GULP1: variants seen among roughly 807,000 people sequenced by gnomAD.
GULP1 encodes GULP PTB domain containing engulfment adaptor 1.
Under a neutral mutation model 40.9 loss-of-function variants are expected in GULP1, and 19 were observed. The ratio of observed to expected loss-of-function variants is 0.46; its 90% CI spans 0.32 to 0.68. The LOEUF (loss-of-function observed/expected upper bound fraction) is 0.68, where lower values mean the gene tolerates loss of function less well. Ranked by LOEUF, GULP1 falls within the 30% of genes least tolerant of loss-of-function variation. The pLI is 0.03. For synonymous variants in GULP1, 119 were observed against 117.6 expected, an observed-to-expected ratio of 1.01 and a Z score of -0.08; for missense variants, 312 against 362.2, an observed-to-expected ratio of 0.86 and a Z score of 1.12.
chr2:188,302,936 T>C (rs974827776), intron 1 of GULP1, among the ~76,000 whole-genome samples: 9 of 152,230 alleles, frequency 5.9e-5, no homozygotes, highest in Admixed American at 5.9e-4. Context: ...TTCCTACTTT[T>C]TCTTGTAGTA....
rs1015164607 is a variant in GULP1 at position 188,328,858 on chromosome 2, T to A, written c.-172+36692T>A. Among the ~76,000 whole-genome samples, 5 of 152,254 alleles carry A rather than the reference T, an allele frequency of 3.3e-5. 1 individual carries two copies. The highest frequency in any genetic ancestry group is 3.3e-4 in the Admixed American group (5 of 15,276). Reference sequence around the variant, plus strand: ...GAATATGAGTATACACGATGAATACTTAAACATTTAATACTATCTTGCCTT... The same window carrying A: ...GAATATGAGTATACACGATGAATACATAAACATTTAATACTATCTTGCCTT... On this transcript the variant is annotated intron_variant, in intron 1 of 11. Transcript: ENST00000409830.
At chr2:188,532,101 A>T (rs905136774) in intron 6 of GULP1, among the ~76,000 whole-genome samples, 1 of 152,148 alleles carries the variant, frequency 6.6e-6, no homozygotes, top group East Asian at 1.9e-4. Flanking sequence ...CTGATAATAT[A>T]CTTTATGTAT....
intron 1 of GULP1, among the ~76,000 whole-genome samples, chr2:188,340,636 G>C (rs181520719): frequency 1.3e-5 from 2 of 152,282 alleles, no homozygotes; most frequent in African/African-American, 4.8e-5. Context: ...GTCTTTTTGT[G>C]TGAGGTGATT....
In GULP1 at chr2:188,363,986, T is replaced by C. The variant is rs1004554429; in HGVS notation, c.-171-19777T>C. On this transcript the variant is annotated intron_variant, in intron 1 of 11. Transcript: ENST00000409830. ...TTATCAGATCTAACATTGCAGCTTT[T>C]TAAAAGGTAAATTAAAATCTTCAGT... Among the ~76,000 whole-genome samples the C allele has an allele frequency of 1.4e-4, 21 of 152,206 alleles. 1 individual carries two copies. The highest frequency in any genetic ancestry group is 5.1e-4 in the African/African-American group (21 of 41,450).
chr2:188,510,131 A>G (rs6414119), intron 4 of GULP1, among the ~76,000 whole-genome samples: 135,038 of 152,020 alleles, frequency 0.89, 61,260 homozygotes, highest in South Asian at 0.99. Flanking sequence ...AAGAGAGCTC[A>G]GAGGGCACTT....
At chr2:188,524,531 A>G (rs1185656071) in intron 5 of GULP1, among the ~76,000 whole-genome samples, 3 of 151,578 alleles carry the variant, frequency 2.0e-5, no homozygotes, top group African/African-American at 7.3e-5. Context: ...AGGAAAGTAT[A>G]TCTAAGGGTA....
intron 2 of GULP1, among the ~76,000 whole-genome samples, chr2:188,470,704 A>G (rs2060517999): frequency 6.6e-6 from 1 of 152,070 alleles, no homozygotes; most frequent in Non-Finnish European, 1.5e-5. Context: ...TTTAATTTTC[A>G]TATATTTGTA....
intron 1 of GULP1, among the ~76,000 whole-genome samples, chr2:188,315,214 C>G (rs957610814): frequency 6.6e-6 from 1 of 152,124 alleles, no homozygotes; most frequent in African/African-American, 2.4e-5. Flanking sequence ...TCACTTCAAA[C>G]TGTAAAAGTT....
chr2:188,520,707 T>C (rs1259562840), intron 4 of GULP1, among the ~76,000 whole-genome samples: 1 of 152,088 alleles, frequency 6.6e-6, no homozygotes, highest in Non-Finnish European at 1.5e-5. Context: ...ACTATCCTCA[T>C]GGCCTGTTAA....
intron 2 of GULP1, among the ~76,000 whole-genome samples, chr2:188,394,339 T>C (rs1228304855): frequency 6.6e-6 from 1 of 152,176 alleles, no homozygotes; most frequent in Non-Finnish European, 1.5e-5. Flanking sequence ...CTCTGCATTT[T>C]GTACTTCCCT....
chr2:188,459,974 A>T (rs909673941), intron 2 of GULP1, among the ~76,000 whole-genome samples: 26 of 152,028 alleles, frequency 1.7e-4, no homozygotes, highest in African/African-American at 6.0e-4. Context: ...TTTATTTCTG[A>T]ATTCTCTATT....
intron 1 of GULP1, among the ~76,000 whole-genome samples, chr2:188,345,431 C>G (rs1218952795): frequency 2.6e-5 from 4 of 152,124 alleles, no homozygotes; most frequent in Non-Finnish European, 5.9e-5. Flanking sequence ...GGACAAGAAA[C>G]AGGATAGAAT....
At chr2:188,554,626 T>C (rs1384949786) in intron 7 of GULP1, among the ~76,000 whole-genome samples, 2 of 152,054 alleles carry the variant, frequency 1.3e-5, no homozygotes, top group African/African-American at 4.8e-5. Context: ...CTGCAGTTTT[T>C]GGATAGAATA....
intron 7 of GULP1, among the ~76,000 whole-genome samples, chr2:188,555,678 C>T (rs760648035): frequency 1.1e-4 from 17 of 152,062 alleles, no homozygotes; most frequent in African/African-American, 3.1e-4. Flanking sequence ...GTATAATGTG[C>T]GATGGTGACT....
intron 1 of GULP1, among the ~76,000 whole-genome samples, chr2:188,383,116 A>G (rs1360414954): frequency 6.6e-6 from 1 of 152,188 alleles, no homozygotes; most frequent in African/African-American, 2.4e-5. Flanking sequence ...GAATTCTGGT[A>G]CTATTTGAAC....
At chr2:188,499,870 G>A (rs184326967) in intron 4 of GULP1, among the ~76,000 whole-genome samples, 8 of 151,714 alleles carry the variant, frequency 5.3e-5, no homozygotes, top group Admixed American at 4.6e-4. Flanking sequence ...CTTCTGCATT[G>A]AAGTATATAT....
intron 10 of GULP1, among the ~76,000 whole-genome samples, chr2:188,586,809 G>C (rs980296259): frequency 6.6e-6 from 1 of 152,012 alleles, no homozygotes; most frequent in African/African-American, 2.4e-5. Flanking sequence ...TTCACAATGA[G>C]AATCACAGAG....
intron 7 of GULP1, among the ~76,000 whole-genome samples, chr2:188,543,628 T>G (rs1193333176): frequency 2.0e-5 from 3 of 152,190 alleles, no homozygotes; most frequent in Admixed American, 2.0e-4. Flanking sequence ...AAATAAGTTA[T>G]GGCCTATCTC....
At chr2:188,385,149 A>T (rs2049521732) in intron 2 of GULP1, among the ~76,000 whole-genome samples, 2 of 152,172 alleles carry the variant, frequency 1.3e-5, no homozygotes, top group Admixed American at 1.3e-4. Flanking sequence ...GTTCTCCATG[A>T]GGACCCTACT....
Sources: gnomAD v4.1 joint callset for allele counts (sites outside exome capture counted in the v4.1 genomes callset) on GRCh38, gnomAD v4.1.1 for gene constraint, MANE v1.5 for transcripts, NCBI Gene and HGNC (gene_info 2026-07-23, HGNC 2026-07-21) for gene names.